Variants in ADAM22 observed in about 807,000 individuals in gnomAD.
ADAM22 encodes the protein ADAM metallopeptidase domain 22.
ADAM22 carries 65 observed loss-of-function variants against 144.6 expected under a neutral mutation model. That is an observed-to-expected ratio of 0.45 (90% confidence interval 0.37 to 0.55). The LOEUF (loss-of-function observed/expected upper bound fraction) is 0.55. Among genes scored for constraint, ADAM22 ranks in the 20% least tolerant of loss-of-function variants. The probability of loss-of-function intolerance (pLI) is 0.00; values close to 1 mark genes in which losing one functional copy is unlikely to be tolerated. For missense variants in ADAM22, 974 were observed against 1,184.9 expected, an observed-to-expected ratio of 0.82 and a Z score of 2.61; for synonymous variants, 391 against 412.6, an observed-to-expected ratio of 0.95 and a Z score of 0.63.
chr7:88,182,996 C>T (rs1032789679), intron 29 of ADAM22, among the ~76,000 whole-genome samples: 12 of 152,104 alleles, frequency 7.9e-5, no homozygotes, highest in African/African-American at 2.2e-4. Context: ...TTAGCTTTTC[C>T]GTCATATACC....
chr7:88,100,390 C>T, intron 4 of ADAM22, among the ~76,000 whole-genome samples: 1 of 152,088 alleles, frequency 6.6e-6, no homozygotes, highest in East Asian at 1.9e-4. Flanking sequence ...CATTTGGGAA[C>T]CATGTGATAG....
intron 3 of ADAM22, among the ~76,000 whole-genome samples, chr7:87,997,824 G>T (rs1791583068): frequency 6.6e-6 from 1 of 152,190 alleles, no homozygotes; most frequent in Non-Finnish European, 1.5e-5. Context: ...TCAGGGACAG[G>T]ACTAATAGGA....
chr7:88,184,420 C>G (rs1847827940), intron 29 of ADAM22: 2 of 364,116 alleles, frequency 5.5e-6, no homozygotes, highest in South Asian at 3.9e-5. Flanking sequence ...TCCACCTGCC[C>G]CTTCATTCTG....
At chr7:88,181,742 G>C (rs1847079194) in intron 28 of ADAM22, 137 bp downstream of exon 28, 1 of 842,576 alleles carries the variant, frequency 1.2e-6, no homozygotes, top group Non-Finnish European at 1.8e-6. Context: ...TAGAATGAGA[G>C]CCTAGTTTTT....
intron 11 of ADAM22, chr7:88,132,107 C>G (rs1831951167): frequency 6.6e-6 from 1 of 151,380 alleles, no homozygotes; most frequent in Non-Finnish European, 1.5e-5. Flanking sequence ...TCCATTCTCC[C>G]TCCCTTCCTT....
Position 88,075,675 on chromosome 7 carries a change from A to G in ADAM22, c.373A>G (p.Lys125Glu). 1 of 1,613,702 alleles carries G rather than the reference A, an allele frequency of 6.2e-7. No homozygotes were observed. The highest frequency in any genetic ancestry group is 8.5e-7 in the Non-Finnish European group (1 of 1,179,906). The change falls in exon 4 of 32, where the codon AAG (lysine) becomes GAG (glutamate). Residue 125 changes from lysine (K) to glutamate (E), a missense_variant. Physicochemically the swap from Lys to Glu is moderately conservative, Grantham distance 56. This residue lies in a region of ADAM22 where 240 missense variants were observed against 234.3 expected (regional missense o/e 1.02). Coordinates refer to ENST00000413139, the MANE Select transcript of ADAM22 (RefSeq NM_001324418.2). ...YIERHIEHGG[K>E]TVEVKGGEHC... is the part of the protein sequence containing the mutation. ...AGAGAGACACATTGAACATGGAGGC[A>G]AGACTGTGGAAGTTAAAGTAAGTGA... is the stretch of plus-strand genomic sequence containing the variant.
At chr7:88,089,836 G>C (rs767990844) in intron 4 of ADAM22, 2 of 152,170 alleles carry the variant, frequency 1.3e-5, no homozygotes, top group South Asian at 2.1e-4. Flanking sequence ...GTGGAGATGG[G>C]GAGGCTGCTT....
chr7:88,016,240 T>C (rs912283923), intron 3 of ADAM22, among the ~76,000 whole-genome samples: 2 of 152,186 alleles, frequency 1.3e-5, no homozygotes, highest in African/African-American at 4.8e-5. Flanking sequence ...TTTCTAGGAA[T>C]GTAACATTTT....
chr7:88,143,031 A>G lies in ADAM22; in HGVS notation c.1226A>G (p.Tyr409Cys). ...GCTTTTCTTCTCTTTTATAGCTATT[A>G]TCTTCCTAAAAAGTTCACCCAGTGT... ...SGCIMGDTGY[Y>C]LPKKFTQCNI... The change falls in exon 15 of 32, where the codon TAT (tyrosine) becomes TGT (cysteine). Residue 409 changes from tyrosine to cysteine, a missense_variant. By Grantham distance (194) the Tyr-to-Cys change is radical. Transcript: ENST00000413139. The G allele has an allele frequency of 6.2e-7, 1 of 1,601,358 alleles. No individual in the cohort carries two copies. Among genetic ancestry groups the G allele is most frequent in the Non-Finnish European group, 8.5e-7 (1 of 1,169,914 alleles).
At chr7:88,056,286 A>G (rs912293513) in intron 3 of ADAM22, among the ~76,000 whole-genome samples, 2 of 152,184 alleles carry the variant, frequency 1.3e-5, no homozygotes, top group Non-Finnish European at 2.9e-5. Flanking sequence ...TGAAATCTAG[A>G]ATTAGAGCAA....
intron 14 of ADAM22, 121 bp from the exon 15 acceptor site, chr7:88,142,905 T>G (rs1835217505): frequency 1.7e-6 from 1 of 592,326 alleles, no homozygotes; most frequent in East Asian, 2.7e-5. Flanking sequence ...ATGTCATACA[T>G]AAGTAGACTT....
intron 4 of ADAM22, among the ~76,000 whole-genome samples, chr7:88,082,423 A>G (rs1399408308): frequency 2.6e-5 from 4 of 152,180 alleles, no homozygotes; most frequent in African/African-American, 7.2e-5. Context: ...GGACATAGGC[A>G]TGGGCAAGGA....
intron 25 of ADAM22, among the ~76,000 whole-genome samples, chr7:88,169,398 C>T (rs1443349115): frequency 6.6e-6 from 1 of 152,102 alleles, no homozygotes; most frequent in East Asian, 1.9e-4. Flanking sequence ...AGCCCTGTAC[C>T]ATGTAGTCTT....
chr7:87,963,594 T>G lies in ADAM22; in HGVS notation c.247-14742T>G, dbSNP rs566238407. ...TTAAACTGCACTGATTTGTCTCCAG[T>G]AGAGGCAAGAATTACAGAGTCCGAT... is the stretch of plus-strand genomic sequence containing the variant. On this transcript the variant is annotated intron_variant, in intron 2 of 31. Coordinates refer to ENST00000413139, the MANE Select transcript of ADAM22 (RefSeq NM_001324418.2). Among the ~76,000 whole-genome samples the G allele has an allele frequency of 2.6e-5, 4 of 152,274 alleles. No homozygotes were observed. The South Asian group carries it at 8.3e-4, about 32-fold the overall frequency.
intron 5 of ADAM22, among the ~76,000 whole-genome samples, chr7:88,113,699 A>ATATATATAT (rs1554478638): frequency 4.1e-4 from 16 of 39,436 alleles, no homozygotes; most frequent in African/African-American, 6.8e-4. Flanking sequence ...TAAATAAATA[A>ATATATATAT]ATAAATATAT....
Position 88,169,014 on chromosome 7 carries a change from T to C in ADAM22, c.2282+787T>C, listed in dbSNP as rs188502563. ...CTTGCCTTTGTTCCATAAGTTAATATATGTCAAACACTCAAAGTAGTACCT... is the reference window on the plus strand; with the variant it reads ...CTTGCCTTTGTTCCATAAGTTAATACATGTCAAACACTCAAAGTAGTACCT... On this transcript the variant is annotated intron_variant, in intron 25 of 31. Coordinates refer to ENST00000413139, the MANE Select transcript of ADAM22 (RefSeq NM_001324418.2). Among the ~76,000 whole-genome samples, 22 of 152,266 alleles carry C rather than the reference T, an allele frequency of 1.4e-4. No individual in the cohort carries two copies. The East Asian group carries it at 4.3e-3, about 29-fold the overall frequency.
intron 4 of ADAM22, among the ~76,000 whole-genome samples, chr7:88,100,569 G>A (rs965302549): frequency 1.3e-5 from 2 of 152,178 alleles, no homozygotes; most frequent in Admixed American, 6.5e-5. Flanking sequence ...CAGGTTATGA[G>A]TTTTAATCGG....
At chr7:88,055,529 A>G (rs1289681614) in intron 3 of ADAM22, among the ~76,000 whole-genome samples, 4 of 152,200 alleles carry the variant, frequency 2.6e-5, no homozygotes, top group African/African-American at 9.7e-5. Context: ...TCTGTAGAGC[A>G]GACAGATTCT....
chr7:88,128,682 A>T lies in ADAM22; in HGVS notation c.753+6A>T, dbSNP rs2129496518. 6.2e-7 allele frequency: 1 copy of T among 1,609,670 alleles called. No individual in the cohort carries two copies. Among genetic ancestry groups the T allele is most frequent in the Non-Finnish European group, 8.5e-7 (1 of 1,177,104 alleles). On this transcript the variant is annotated splice_donor_region_variant and intron_variant, in intron 9 of 31. Transcript: ENST00000413139. Reference sequence around the variant, plus strand: ...TTGTGAATGATCACCTTATGGTAGGATTTGCTGTTGTTTTTAAGCCTGTTT... The same window carrying T: ...TTGTGAATGATCACCTTATGGTAGGTTTTGCTGTTGTTTTTAAGCCTGTTT...
Sources: gnomAD v4.1 joint callset for allele counts (sites outside exome capture counted in the v4.1 genomes callset) on GRCh38, gnomAD v4.1.1 for gene constraint, gnomAD v4.1.1 regional missense constraint, MANE v1.5 for transcripts, NCBI Gene and HGNC (gene_info 2026-07-23, HGNC 2026-07-21) for gene names.